The following FN1 variants were observed in gnomAD, a reference collection of about 807,000 sequenced individuals.
The protein encoded by FN1 is fibronectin 1.
Under a neutral mutation model 297.3 loss-of-function variants are expected in FN1, and 106 were observed. That is an observed-to-expected ratio of 0.36 (90% CI 0.30 to 0.42). The LOEUF is 0.42. FN1 is among the 10% of genes least tolerant of loss of function. FN1 has a pLI of 1.00. For synonymous variants in FN1, 1,149 were observed against 1,152.6 expected, an observed-to-expected ratio of 1.00 and a Z score of 0.06; for missense variants, 2,690 against 3,124.9, an observed-to-expected ratio of 0.86 and a Z score of 3.32.
chr2:215,384,548 C>T (rs912601848), intron 29 of FN1: 6 of 382,018 alleles, frequency 1.6e-5, no homozygotes, highest in Non-Finnish European at 2.8e-5. Flanking sequence ...TTGGAAAATA[C>T]AGAAAAGTAA....
rs1377104848 is a variant in FN1 at position 215,379,148 on chromosome 2, C to T, written c.5604G>A (p.Val1868=). 2 of 1,614,012 alleles carry T rather than the reference C, an allele frequency of 1.2e-6. No homozygotes were observed. The highest frequency in any genetic ancestry group is 1.7e-6 in the Non-Finnish European group (2 of 1,179,986). ...EINLAPDSSS[V]VVSGLMVATK... is the part of the protein sequence containing the mutation. ...GTCTTACCATAAGTCCTGATACAAC[C>T]ACGGATGAGCTGTCAGGAGCAAGGT... is the stretch of plus-strand genomic sequence containing the variant. The change falls in exon 34 of 46, where the codon GTG becomes GTA. Residue 1868 remains valine (V), a synonymous_variant. Coordinates refer to ENST00000354785, the MANE Select transcript of FN1 (RefSeq NM_212482.4).
At chr2:215,382,576 T>C (rs1001774449) in intron 31 of FN1, among the ~76,000 whole-genome samples, 11 of 152,192 alleles carry the variant, frequency 7.2e-5, no homozygotes, top group Non-Finnish European at 1.6e-4. Context: ...CCCCCAACAA[T>C]TAGTGATACT....
chr2:215,383,247 A>C, intron 31 of FN1, 81 bp downstream of exon 31: 1 of 1,380,454 alleles, frequency 7.2e-7, no homozygotes, highest in Non-Finnish European at 1.0e-6. Context: ...ACCTCAAGTG[A>C]TCTGCCCGCA....
Position 215,435,861 on chromosome 2 carries a change from T to G in FN1, c.-59A>C, listed in dbSNP as rs2067395024. The G allele has an allele frequency of 1.3e-6, 2 of 1,497,576 alleles. No homozygotes were observed. Among genetic ancestry groups the G allele is most frequent in the Admixed American group, 4.2e-5 (2 of 47,708 alleles). The allele number at this position is 1,497,576 out of a possible 1,614,324, so 92.8% of individuals were successfully genotyped here. A position where few individuals can be genotyped will look rare whatever the true frequency, so the allele number is the denominator to read the frequency against. On this transcript the variant is annotated 5_prime_UTR_variant, in exon 1 of 46. Transcript: ENST00000354785. Reference sequence around the variant, plus strand: ...GAGGCAAGTTGCCACCAAGTTTGCTTCCCTTCGCAACCTGCGGGAAAAATC... The same window carrying G: ...GAGGCAAGTTGCCACCAAGTTTGCTGCCCTTCGCAACCTGCGGGAAAAATC...
intron 3 of FN1, among the ~76,000 whole-genome samples, chr2:215,432,775 T>C (rs1459233036): frequency 2.0e-5 from 3 of 152,228 alleles, no homozygotes; most frequent in Non-Finnish European, 2.9e-5. Context: ...GCAAACTCTA[T>C]TGGGTTAATA....
At chr2:215,433,137 T>C (rs980187675) in intron 3 of FN1, among the ~76,000 whole-genome samples, 187 bp downstream of exon 3, 2 of 152,138 alleles carry the variant, frequency 1.3e-5, no homozygotes, top group Non-Finnish European at 2.9e-5. Flanking sequence ...ACTGATTCCA[T>C]CTGTGCTCAT....
At chr2:215,388,109 G>T in intron 27 of FN1, 103 bp downstream of exon 27, 1 of 862,376 alleles carries the variant, frequency 1.2e-6, no homozygotes, top group Non-Finnish European at 1.9e-6. Context: ...CACACACCAT[G>T]ACAACAAAAA....
Position 215,386,835 on chromosome 2 carries a change from C to A in FN1, c.4466G>T (p.Ser1489Ile). The A allele has an allele frequency of 6.2e-7, 1 of 1,614,058 alleles. No individual in the cohort carries two copies. Among genetic ancestry groups the A allele is most frequent in the Non-Finnish European group, 8.5e-7 (1 of 1,180,020 alleles). The part of the protein sequence containing the change: ...YRIRHHPEHF[S>I]GRPREDRVPH... The stretch of plus-strand genomic sequence containing the variant: ...CACCCGATCTTCTCGAGGTCTCCCA[C>A]TGAAGTGCTCGGGATGATGGCGGAT... Residue 1489 changes from serine to isoleucine, a missense_variant, in exon 28 of 46, where the codon AGT becomes ATT. This residue lies in a region of FN1 where 1,743 missense variants were observed against 1,945.2 expected (regional missense o/e 0.90). Transcript: ENST00000354785.
At chr2:215,391,526 C>T in intron 26 of FN1, 106 bp downstream of exon 26, 4 of 904,174 alleles carry the variant, frequency 4.4e-6, no homozygotes, top group South Asian at 1.3e-5. Flanking sequence ...TAGTTTGTAG[C>T]TTGGTTGCAG....
At chr2:215,372,514 T>C in intron 39 of FN1, 139 bp from the exon 40 acceptor site, 1 of 699,606 alleles carries the variant, frequency 1.4e-6, no homozygotes. Flanking sequence ...AGTTCTGAGA[T>C]CACAAAACAC....
Position 215,364,935 on chromosome 2 carries a change from A to G in FN1, c.7195T>C (p.Trp2399Arg), listed in dbSNP as rs761358443. Residue 2399 changes from tryptophan to arginine, a missense_variant, in exon 44 of 46, where the codon TGG becomes CGG. Trp to Arg is a moderately radical substitution (Grantham distance 101). This residue lies in a region of FN1 where 1,743 missense variants were observed against 1,945.2 expected (regional missense o/e 0.90). Transcript: ENST00000354785. ...DGKTYHVGEQWQKEYLGAICS... is the reference protein window; with the variant it reads ...DGKTYHVGEQRQKEYLGAICS... The stretch of plus-strand genomic sequence containing the variant: ...ATGGCACCGAGATATTCCTTCTGCC[A>G]CTGTTCTCCTACGTGGTATGTCTTC... 3.8e-6 allele frequency: 6 copies of G among 1,579,248 alleles called. No individual in the cohort carries two copies. The South Asian group carries it at 4.6e-5, about 12-fold the overall frequency.
At chr2:215,372,433 A>G in intron 39 of FN1, 58 bp from the exon 40 acceptor site, 1 of 1,244,612 alleles carries the variant, frequency 8.0e-7, no homozygotes, top group South Asian at 1.2e-5. Flanking sequence ...AGGAAGTAGC[A>G]GCAATGATAA....
At chr2:215,371,391 A>G (rs779572717) in intron 40 of FN1, among the ~76,000 whole-genome samples, 2 of 151,166 alleles carry the variant, frequency 1.3e-5, no homozygotes, top group Non-Finnish European at 2.9e-5. Context: ...TATGTTGTAG[A>G]TAGTGGGGTT....
chr2:215,379,030 G>T, intron 34 of FN1, 100 bp downstream of exon 34: 1 of 1,077,496 alleles, frequency 9.3e-7, no homozygotes, highest in Non-Finnish European at 1.4e-6. Flanking sequence ...CAGAGGAAAA[G>T]AACAGTTAGA....
In FN1 at chr2:215,420,673, C is replaced by A; in HGVS notation, c.1675G>T (p.Asp559Tyr). Reference sequence around the variant, plus strand: ...CATCTAGGGAAATAGGGCTACTCACCGACGGGATCACACTTCCACCTGCCC... The same window carrying A: ...CATCTAGGGAAATAGGGCTACTCACAGACGGGATCACACTTCCACCTGCCC... The part of the protein sequence containing the change: ...GRGRWKCDPV[D>Y]QCQDSETGTF... Residue 559 changes from aspartate (D) to tyrosine (Y), a missense_variant and splice_region_variant, in exon 11 of 46, where the codon GAC becomes TAC. Transcript: ENST00000354785. 6.2e-7 allele frequency: 1 copy of A among 1,614,054 alleles called. No individual in the cohort carries two copies. The highest frequency in any genetic ancestry group is 8.5e-7 in the Non-Finnish European group (1 of 1,179,964).
intron 44 of FN1, chr2:215,364,611 T>C: frequency 7.4e-6 from 4 of 544,202 alleles, no homozygotes; most frequent in Non-Finnish European, 1.3e-5. Context: ...GGTGTTGCTA[T>C]TAAGAATGAC....
chr2:215,403,281 C>T (rs1473601813), intron 20 of FN1, among the ~76,000 whole-genome samples: 3 of 152,140 alleles, frequency 2.0e-5, no homozygotes, highest in Non-Finnish European at 2.9e-5. Context: ...AAACTTCATA[C>T]AGTAAATTTA....
chr2:215,369,147 G>T (rs114791265), intron 41 of FN1, among the ~76,000 whole-genome samples: 1 of 151,316 alleles, frequency 6.6e-6, no homozygotes, highest in African/African-American at 2.4e-5. Flanking sequence ...TGTTACTAGG[G>T]GTTTCTATAC....
intron 24 of FN1, 97 bp downstream of exon 24, chr2:215,394,431 A>G: frequency 9.2e-7 from 1 of 1,086,546 alleles, no homozygotes; most frequent in Non-Finnish European, 1.4e-6. Flanking sequence ...TAAATCCCAA[A>G]TATAGTTGAC....
Sources: allele counts gnomAD v4.1 joint callset (sites outside exome capture counted in the v4.1 genomes callset), GRCh38; gene constraint gnomAD v4.1.1; regional missense constraint gnomAD v4.1.1; transcripts MANE v1.5; gene names NCBI Gene and HGNC (gene_info 2026-07-23, HGNC 2026-07-21).